Variants in PKD1L1 observed in about 807,000 individuals in gnomAD.
PKD1L1 encodes polycystin-1-like protein 1.
Under a neutral mutation model 323.4 loss-of-function variants are expected in PKD1L1, and 236 were observed. The ratio of observed to expected loss-of-function variants is 0.73; its 90% CI spans 0.66 to 0.81. The LOEUF (loss-of-function observed/expected upper bound fraction) is 0.81. Ranked by LOEUF, PKD1L1 falls within the 40% of genes least tolerant of loss-of-function variation. The probability of loss-of-function intolerance (pLI) is 0.00; values close to 1 mark genes in which losing one functional copy is unlikely to be tolerated. For synonymous variants in PKD1L1, 1,344 were observed against 1,335.0 expected, an observed-to-expected ratio of 1.01 and a Z score of -0.15; for missense variants, 3,320 against 3,508.0, an observed-to-expected ratio of 0.95 and a Z score of 1.35.
rs1161462692 is a variant in PKD1L1 at position 47,815,366 on chromosome 7, C to A, written c.7057G>T (p.Gly2353Cys). 6.2e-7 allele frequency: 1 copy of A among 1,614,046 alleles called. No homozygotes were observed. The highest frequency in any genetic ancestry group is 1.3e-5 in the African/African-American group (1 of 74,938). Reference protein sequence around the residue: ...TTLLDGLYPGGTPSARVPGAQ... With the variant: ...TTLLDGLYPGCTPSARVPGAQ... ...CCCGGCACACGGGCTGACGGGGTGCCTCCCGGGTACAGGCCATCCAGAAGT... is the reference window on the plus strand; with the variant it reads ...CCCGGCACACGGGCTGACGGGGTGCATCCCGGGTACAGGCCATCCAGAAGT... The change falls in exon 47 of 57, where the codon GGC becomes TGC. Residue 2353 changes from glycine (G) to cysteine (C), a missense_variant. Transcript: ENST00000289672.
At chr7:47,928,480 G>A (rs1562994070) in intron 7 of PKD1L1, among the ~76,000 whole-genome samples, 1 of 152,182 alleles carries the variant, frequency 6.6e-6, no homozygotes, top group Non-Finnish European at 1.5e-5. Flanking sequence ...TGAGGCGGGA[G>A]GATCCCTTGA....
rs552044106 is a variant in PKD1L1, at chr7:47,815,730, G to A, written c.6966-273C>T. Among the ~76,000 whole-genome samples, 38 of 152,280 alleles carry A rather than the reference G, an allele frequency of 2.5e-4. No homozygotes were observed. The South Asian group carries it at 7.5e-3, about 30-fold the overall frequency. ...AACAAACATTACTATGCAACTACTA[G>A]GTGTCAGGCACTCTTCTAGGCACTG... On this transcript the variant is annotated intron_variant, in intron 46 of 56. Coordinates refer to ENST00000289672, the MANE Select transcript of PKD1L1 (RefSeq NM_138295.5).
intron 47 of PKD1L1, 82 bp from the exon 48 acceptor site, chr7:47,814,096 G>GTTACCCAGAGCCCCAC: frequency 8.9e-7 from 1 of 1,127,506 alleles, no homozygotes; most frequent in Non-Finnish European, 1.3e-6. Flanking sequence ...AAAGGCGTGG[G>GTTACCCAGAGCCCCAC]GCTCTGGGTA....
intron 13 of PKD1L1, among the ~76,000 whole-genome samples, chr7:47,898,584 T>A (rs112539498): frequency 1.2e-4 from 18 of 152,224 alleles, no homozygotes; most frequent in African/African-American, 4.3e-4. Flanking sequence ...ATAAATTTTT[T>A]AAATCAATGA....
intron 46 of PKD1L1, among the ~76,000 whole-genome samples, chr7:47,820,561 C>T (rs1785117896): frequency 1.3e-5 from 2 of 152,154 alleles, no homozygotes; most frequent in South Asian, 2.1e-4. Context: ...CCCATCTCTG[C>T]TAAAAATACA....
At chr7:47,853,033 G>A (rs571246864) in intron 31 of PKD1L1, 94 bp downstream of exon 31, 11 of 840,654 alleles carry the variant, frequency 1.3e-5, no homozygotes, top group Middle Eastern at 2.3e-4. Flanking sequence ...TTTTTGTCAT[G>A]AATAAAGAAA....
chr7:47,902,646 G>A (rs1334650277), intron 12 of PKD1L1, 135 bp from the exon 13 acceptor site: 2 of 1,118,836 alleles, frequency 1.8e-6, no homozygotes, highest in Non-Finnish European at 2.5e-6. Flanking sequence ...AAGAACAGAA[G>A]AGTCAAGGGT....
In PKD1L1 at chr7:47,858,693, CTG is replaced by C; in HGVS notation, c.4340_4341del (p.Thr1447SerfsTer16). 1.2e-6 allele frequency: 2 copies of C among 1,613,202 alleles called. No homozygotes were observed. The highest frequency in any genetic ancestry group is 1.7e-6 in the Non-Finnish European group (2 of 1,179,190). ...EEVYRHEEGI[T>X]VISDLLLGCL... The stretch of plus-strand genomic sequence containing the variant: ...CTTACCAACAATAAATCTGAGATGA[CTG>C]TAATTCCTTCTTCATGTCGATAGAC... On this transcript the variant is annotated frameshift_variant, in exon 27 of 57. Coordinates refer to ENST00000289672, the MANE Select transcript of PKD1L1 (RefSeq NM_138295.5). LOFTEE classifies it high-confidence loss of function.
intron 56 of PKD1L1, among the ~76,000 whole-genome samples, chr7:47,788,510 G>A (rs1786862505): frequency 6.7e-6 from 1 of 149,064 alleles, no homozygotes; most frequent in African/African-American, 2.4e-5. Flanking sequence ...CACCTGCCTT[G>A]GCCTCCCAAA....
intron 53 of PKD1L1, among the ~76,000 whole-genome samples, chr7:47,801,457 C>A (rs935508314): frequency 6.6e-6 from 1 of 152,186 alleles, no homozygotes; most frequent in Non-Finnish European, 1.5e-5. Flanking sequence ...CTGCTCCAAC[C>A]AGCCCTGGTG....
intron 6 of PKD1L1, among the ~76,000 whole-genome samples, chr7:47,930,071 A>G (rs986546944): frequency 2.0e-5 from 3 of 152,222 alleles, no homozygotes; most frequent in African/African-American, 7.2e-5. Context: ...TTTCAAGATC[A>G]TTTATGTGTT....
intron 24 of PKD1L1, among the ~76,000 whole-genome samples, chr7:47,871,754 A>C (rs1786284472): frequency 6.6e-6 from 1 of 152,246 alleles, no homozygotes; most frequent in Admixed American, 6.5e-5. Context: ...ACAACAAACT[A>C]GGAATAGAAG....
Position 47,813,953 on chromosome 7 carries a change from A to G in PKD1L1, c.7151T>C (p.Val2384Ala), listed in dbSNP as rs1784959798. 6.2e-7 allele frequency: 1 copy of G among 1,614,096 alleles called. No homozygotes were observed. ...IGSSVIRQLK[V>A]FPRHLCKPPR... The stretch of plus-strand genomic sequence containing the variant: ...TACCTTGCATAAATGCCTAGGAAAA[A>G]CTTTTAGCTGCCTAATTACGGAACT... The change falls in exon 48 of 57, where the codon GTT (valine) becomes GCT (alanine). Residue 2384 changes from valine (V) to alanine (A), a missense_variant. Transcript: ENST00000289672.
chr7:47,954,463 G>C, the PKD1L1 span, among the ~76,000 whole-genome samples: 1 of 152,232 alleles, frequency 6.6e-6, no homozygotes, highest in South Asian at 2.1e-4. Flanking sequence ...TATCAAAGAT[G>C]GTCTGCCCCT....
intron 19 of PKD1L1, 51 bp from the exon 20 acceptor site, chr7:47,882,136 A>C: frequency 6.4e-7 from 1 of 1,564,780 alleles, no homozygotes; most frequent in Non-Finnish European, 8.8e-7. Context: ...AGTCATGATG[A>C]TCTTAAAGCA....
chr7:47,878,669 T>G (rs1180631632), intron 21 of PKD1L1, among the ~76,000 whole-genome samples: 1 of 152,160 alleles, frequency 6.6e-6, no homozygotes, highest in African/African-American at 2.4e-5. Flanking sequence ...TGAGGAGTCT[T>G]GGGGTATCAG....
intron 56 of PKD1L1, among the ~76,000 whole-genome samples, chr7:47,778,588 G>T (rs565855904): frequency 3.3e-5 from 5 of 152,142 alleles, no homozygotes; most frequent in Non-Finnish European, 7.3e-5. Flanking sequence ...TGCTGTAAAG[G>T]TCTTTGACCT....
chr7:47,942,442 C>G (rs1788006741), intron 2 of PKD1L1, among the ~76,000 whole-genome samples: 1 of 149,884 alleles, frequency 6.7e-6, no homozygotes, highest in Non-Finnish European at 1.5e-5. Flanking sequence ...CTGCCCCGCG[C>G]CCCCGCCCCC....
chr7:47,847,109 G>A lies in PKD1L1; in HGVS notation c.4961-38C>T, dbSNP rs10280228. The A allele has an allele frequency of 0.35, 523,695 of 1,497,354 alleles. 94,659 individuals are homozygous for A. The highest frequency in any genetic ancestry group is 0.54 in the African/African-American group (37,858 of 70,676). 92.8% of individuals were successfully genotyped at this position (1,497,354 alleles called of 1,614,324 possible). ...AACATAAATAAAAAGTACAACCTGAGGTTTGCAGAAAGGCATTCTCCATTT... is the reference window on the plus strand; with the variant it reads ...AACATAAATAAAAAGTACAACCTGAAGTTTGCAGAAAGGCATTCTCCATTT... On this transcript the variant is annotated intron_variant, in intron 31 of 56. Transcript: ENST00000289672.
Sources: allele counts gnomAD v4.1 joint callset (sites outside exome capture counted in the v4.1 genomes callset), GRCh38; gene constraint gnomAD v4.1.1; transcripts MANE v1.5; gene names NCBI Gene and HGNC (gene_info 2026-07-23, HGNC 2026-07-21).